Variants in UTRN observed in about 807,000 individuals in gnomAD.
The protein encoded by UTRN is dystrophin-related protein 1.
Under a neutral mutation model 463.9 loss-of-function variants are expected in UTRN, and 283 were observed. The observed-to-expected ratio is 0.61, with a 90% CI of 0.55 to 0.67. The LOEUF (loss-of-function observed/expected upper bound fraction) is 0.67, where lower values mean the gene tolerates loss of function less well. UTRN is among the 30% of genes least tolerant of loss of function. UTRN has a pLI of 0.00. For synonymous variants in UTRN, 1,442 were observed against 1,431.5 expected, an observed-to-expected ratio of 1.01 and a Z score of -0.17; for missense variants, 3,922 against 4,084.3, an observed-to-expected ratio of 0.96 and a Z score of 1.08.
Position 144,458,850 on chromosome 6 carries a change from G to T in UTRN, c.2365G>T (p.Asp789Tyr). Reference protein sequence around the residue: ...EWKNVSQHLEDLERKIQLQED... With the variant: ...EWKNVSQHLEYLERKIQLQED... ...GAAGAATGTATCTCAACATTTGGAA[G>T]ATCTAGAAAGAAAGATTCAGCTACA... Residue 789 changes from aspartate (D) to tyrosine (Y), a missense_variant, in exon 20 of 75, where the codon GAT (aspartate) becomes TAT (tyrosine). Asp to Tyr is a radical substitution (Grantham distance 160). This residue lies in a region of UTRN where 2,349 missense variants were observed against 2,303.8 expected (regional missense o/e 1.02). Coordinates refer to ENST00000367545, the MANE Select transcript of UTRN (RefSeq NM_007124.3). 1 of 1,613,496 alleles carries T rather than the reference G, an allele frequency of 6.2e-7. No homozygotes were observed. The highest frequency in any genetic ancestry group is 8.5e-7 in the Non-Finnish European group (1 of 1,179,864).
At chr6:144,583,248 T>C (rs931365060) in intron 51 of UTRN, 1 of 381,642 alleles carries the variant, frequency 2.6e-6, no homozygotes, top group Non-Finnish European at 4.6e-6. Flanking sequence ...GCTGAGCAAG[T>C]GCTGCCTGTG....
intron 51 of UTRN, among the ~76,000 whole-genome samples, chr6:144,614,622 C>T (rs919754678): frequency 6.6e-6 from 1 of 152,150 alleles, no homozygotes; most frequent in Admixed American, 6.6e-5. Flanking sequence ...GCTAGATATT[C>T]CCTGAACATT....
Position 144,545,128 on chromosome 6 carries a change from C to T in UTRN, c.6595+2258C>T, listed in dbSNP as rs190663310. Among the ~76,000 whole-genome samples the T allele has an allele frequency of 9.2e-5, 14 of 152,294 alleles. No individual in the cohort carries two copies. The East Asian group carries it at 2.1e-3, about 23-fold the overall frequency. ...TCTTCTCTGGAATTAATATTCAATC[C>T]ATCAGCAAGTAGCATCATTTCCATG... On this transcript the variant is annotated intron_variant, in intron 46 of 74. Transcript: ENST00000367545.
At chr6:144,332,871 G>A (rs967440560) in intron 2 of UTRN, among the ~76,000 whole-genome samples, 4 of 151,416 alleles carry the variant, frequency 2.6e-5, no homozygotes, top group African/African-American at 9.7e-5. Flanking sequence ...TTCAACTTAC[G>A]TAATCAGTAA....
intron 3 of UTRN, among the ~76,000 whole-genome samples, chr6:144,417,487 T>A (rs1363216796): frequency 6.6e-6 from 1 of 151,506 alleles, no homozygotes; most frequent in Non-Finnish European, 1.5e-5. Context: ...TACATCTAAA[T>A]AATACAACTA....
intron 66 of UTRN, among the ~76,000 whole-genome samples, chr6:144,824,124 A>G (rs1415815096): frequency 6.6e-6 from 1 of 152,120 alleles, no homozygotes; most frequent in East Asian, 1.9e-4. Flanking sequence ...ACTGGGGTGG[A>G]AAACTATCAA....
chr6:144,826,601 A>G (rs2128755809), intron 66 of UTRN, among the ~76,000 whole-genome samples: 1 of 152,284 alleles, frequency 6.6e-6, no homozygotes, highest in East Asian at 1.9e-4. Context: ...CCCAGCATTA[A>G]GAGTGACACT....
At chr6:144,312,334 G>A (rs1584242708) in intron 2 of UTRN, among the ~76,000 whole-genome samples, 1 of 151,564 alleles carries the variant, frequency 6.6e-6, no homozygotes. Context: ...TGAGGCAGGA[G>A]AATGGTGTGA....
At chr6:144,580,483 A>T (rs1212720469) in intron 51 of UTRN, among the ~76,000 whole-genome samples, 2 of 152,218 alleles carry the variant, frequency 1.3e-5, no homozygotes, top group Non-Finnish European at 2.9e-5. Context: ...TCTAAAGCAC[A>T]TGGAAGATGA....
intron 58 of UTRN, among the ~76,000 whole-genome samples, chr6:144,768,198 CTTATA>C (rs1793575619): frequency 2.6e-5 from 4 of 151,954 alleles, no homozygotes; most frequent in African/African-American, 9.7e-5. Context: ...GTGCTACAGT[CTTATA>C]TTATTTGTGT....
chr6:144,778,342 T>C (rs2128736593), intron 60 of UTRN, among the ~76,000 whole-genome samples: 1 of 152,156 alleles, frequency 6.6e-6, no homozygotes, highest in African/African-American at 2.4e-5. Flanking sequence ...CTGGATTTCA[T>C]CATGACAAGA....
rs962548484 is a variant in UTRN at position 144,629,249 on chromosome 6, AG to A, written c.7480-49155del. Among the ~76,000 whole-genome samples, 20 of 151,986 alleles carry A rather than the reference AG, an allele frequency of 1.3e-4. No homozygotes were observed. The Middle Eastern group carries it at 0.017, about 129-fold the overall frequency. ...CATAGTTTAAAAAAAAAAAGCAAAA[AG>A]GATGTGTAGTAAAAAATCTAGTGTA... is the stretch of plus-strand genomic sequence containing the variant. On this transcript the variant is annotated intron_variant, in intron 51 of 74. Transcript: ENST00000367545.
At chr6:144,797,780 A>T in intron 63 of UTRN, 44 bp from the exon 64 acceptor site, 1 of 1,589,298 alleles carries the variant, frequency 6.3e-7, no homozygotes, top group South Asian at 1.1e-5. Flanking sequence ...TACAGTTTAA[A>T]TGAAGGCATT....
At chr6:144,550,765 G>C (rs1414620883) in intron 47 of UTRN, among the ~76,000 whole-genome samples, 200 bp from the exon 48 acceptor site, 1 of 152,144 alleles carries the variant, frequency 6.6e-6, no homozygotes, top group Admixed American at 6.5e-5. Context: ...GGTGACTCAG[G>C]TGCTAAATGG....
At chr6:144,489,134 C>T (rs1792779329) in intron 30 of UTRN, among the ~76,000 whole-genome samples, 1 of 152,092 alleles carries the variant, frequency 6.6e-6, no homozygotes, top group South Asian at 2.1e-4. Flanking sequence ...ACTGCAACCT[C>T]CGCCTCCTGG....
Position 144,835,917 on chromosome 6 carries a change from C to G in UTRN, c.9803C>G (p.Ala3268Gly). The change falls in exon 70 of 75, where the codon GCT (alanine) becomes GGT (glycine). Residue 3268 changes from alanine (A) to glycine (G), a missense_variant. Transcript: ENST00000367545. ...EERGELERII[A>G]DLEEEQRNLQ... ...CGTGGAGAACTGGAGAGGATCATTG[C>G]TGACCTGGAGGAAGAACAAAGGTGT... 3 of 1,614,072 alleles carry G rather than the reference C, an allele frequency of 1.9e-6. No homozygotes were observed. Among genetic ancestry groups the G allele is most frequent in the Non-Finnish European group, 2.5e-6 (3 of 1,179,968 alleles).
chr6:144,452,185 TTTAG>T lies in UTRN; in HGVS notation c.2196+697_2196+700del, dbSNP rs1788391489. On this transcript the variant is annotated intron_variant, in intron 18 of 74. Transcript: ENST00000367545. ...TTCGATGGTGACTTTTACATTGATC[TTTAG>T]TTAGACAAAATAAACGGTGTTTCTT... 3.3e-5 allele frequency among the ~76,000 whole-genome samples: 5 copies of T among 152,230 alleles called. No homozygotes were observed. The South Asian group carries it at 1.0e-3, about 32-fold the overall frequency.
intron 51 of UTRN, among the ~76,000 whole-genome samples, chr6:144,616,630 G>A (rs966488170): frequency 1.3e-5 from 2 of 151,780 alleles, no homozygotes; most frequent in African/African-American, 2.4e-5. Flanking sequence ...AACATCTTTG[G>A]TAGCCTTTTA....
At chr6:144,512,861 T>C (rs574839996) in intron 35 of UTRN, among the ~76,000 whole-genome samples, 2 of 152,326 alleles carry the variant, frequency 1.3e-5, no homozygotes, top group East Asian at 3.9e-4. Flanking sequence ...TTTTCAACTA[T>C]GTTTCATATT....
Sources: gnomAD v4.1 joint callset for allele counts (sites outside exome capture counted in the v4.1 genomes callset) on GRCh38, gnomAD v4.1.1 for gene constraint, gnomAD v4.1.1 regional missense constraint, MANE v1.5 for transcripts, NCBI Gene and HGNC (gene_info 2026-07-23, HGNC 2026-07-21) for gene names.